The following IGDCC4 variants were observed in gnomAD, a reference collection of about 807,000 sequenced individuals.
IGDCC4 encodes the protein immunoglobulin superfamily DCC subclass member 4, also known as likely ortholog of mouse neighbor of Punc E11.
Under a neutral mutation model 116.6 loss-of-function variants are expected in IGDCC4, and 72 were observed. That is an observed-to-expected ratio of 0.62 (90% CI 0.51 to 0.75). IGDCC4 has a LOEUF of 0.75. Ranked by LOEUF, IGDCC4 falls within the 30% of genes least tolerant of loss-of-function variation. The pLI is 0.00. For missense variants in IGDCC4, 1,501 were observed against 1,662.4 expected (o/e 0.90, Z 1.69); for synonymous variants, 709 against 719.9 (o/e 0.98, Z 0.24).
intron 1 of IGDCC4, among the ~76,000 whole-genome samples, chr15:65,414,054 C>A (rs1012012792): frequency 6.6e-6 from 1 of 152,178 alleles, no homozygotes; most frequent in Non-Finnish European, 1.5e-5. Flanking sequence ...TAAACACATG[C>A]GCCTCAGTCT....
chr15:65,422,738 G>T, intron 1 of IGDCC4, 55 bp downstream of exon 1: 1 of 1,284,882 alleles, frequency 7.8e-7, no homozygotes, highest in Non-Finnish European at 9.9e-7. Flanking sequence ...AGACCAGGGC[G>T]CGGGCGCACC....
At chr15:65,420,080 G>A (rs544654271) in intron 1 of IGDCC4, among the ~76,000 whole-genome samples, 2 of 152,230 alleles carry the variant, frequency 1.3e-5, no homozygotes, top group South Asian at 2.1e-4. Context: ...CCGAGTAGCT[G>A]GGATTACAGG....
In IGDCC4 at chr15:65,395,891, C is replaced by T. The variant is rs747913572; in HGVS notation, c.1270G>A (p.Val424Met). 18 of 1,589,458 alleles carry T rather than the reference C, an allele frequency of 1.1e-5. 2 individuals carry two copies. In the South Asian group the frequency reaches 2.0e-4, roughly 18 times the overall value. Residue 424 changes from valine to methionine, a missense_variant, in exon 7 of 20, where the codon GTG (valine) becomes ATG (methionine). Coordinates refer to ENST00000352385, the MANE Select transcript of IGDCC4 (RefSeq NM_020962.3). Reference sequence around the variant, plus strand: ...GGGGCGCTGGGCAGCCCCTCGCGCACCACCACGGCCAGCGACGCGGCAGCG... The same window carrying T: ...GGGGCGCTGGGCAGCCCCTCGCGCATCACCACGGCCAGCGACGCGGCAGCG... Reference protein sequence around the residue: ...ACAAASLAVVVREGLPSAPTR... With the variant: ...ACAAASLAVVMREGLPSAPTR...
intron 1 of IGDCC4, among the ~76,000 whole-genome samples, chr15:65,417,679 T>A (rs1477580813): frequency 6.6e-6 from 1 of 152,188 alleles, no homozygotes; most frequent in African/African-American, 2.4e-5. Flanking sequence ...CACTGCAACC[T>A]CTGCCACCCA....
In IGDCC4 at chr15:65,417,433, A is replaced by G. The variant is rs533305801; in HGVS notation, c.70+5360T>C. 2.0e-5 allele frequency among the ~76,000 whole-genome samples: 3 copies of G among 152,158 alleles called. No individual in the cohort carries two copies. The South Asian group carries it at 6.2e-4, about 32-fold the overall frequency. ...CCTGAGACCCTCTACCCCTCCACAC[A>G]CAGCAAACCATGGCCAATTCTCTGA... On this transcript the variant is annotated intron_variant, in intron 1 of 19. Coordinates refer to ENST00000352385, the MANE Select transcript of IGDCC4 (RefSeq NM_020962.3).
At chr15:65,399,110 G>C (rs1394164557) in intron 5 of IGDCC4, among the ~76,000 whole-genome samples, 1 of 152,100 alleles carries the variant, frequency 6.6e-6, no homozygotes, top group Non-Finnish European at 1.5e-5. Flanking sequence ...AAGATGTAGA[G>C]GACTGAGGCA....
Position 65,408,934 on chromosome 15 carries a change from C to G in IGDCC4, c.563+1244G>C, listed in dbSNP as rs562945088. ...TTCCAGCTCACTGTAGCCTGAACCT[C>G]CAAGTGATCTCGCTCAGCCTTCCAA... On this transcript the variant is annotated intron_variant, in intron 3 of 19. Transcript: ENST00000352385. Among the ~76,000 whole-genome samples the G allele has an allele frequency of 2.0e-4, 30 of 151,204 alleles. No homozygotes were observed. The East Asian group carries it at 3.7e-3, about 19-fold the overall frequency.
intron 2 of IGDCC4, chr15:65,410,811 G>T: frequency 3.4e-6 from 2 of 584,190 alleles, no homozygotes; most frequent in South Asian, 4.3e-5. Context: ...AGGAACAGGG[G>T]AGTGGAGAAG....
Position 65,395,984 on chromosome 15 carries a change from T to A in IGDCC4, c.1177A>T (p.Thr393Ser), listed in dbSNP as rs1296358031. ...VQGGGGSLVITQIGLQDAGYY... is the reference protein window; with the variant it reads ...VQGGGGSLVISQIGLQDAGYY... ...CCGGCGTCCTGCAGGCCGATCTGTG[T>A]GATGACCAGGCTGCCACCGCCGCCC... The change falls in exon 7 of 20, where the codon ACA becomes TCA. Residue 393 changes from threonine (T) to serine (S), a missense_variant. Thr to Ser is a moderately conservative substitution (Grantham distance 58). This residue lies in a region of IGDCC4 where 898 missense variants were observed against 978.9 expected (regional missense o/e 0.92). Transcript: ENST00000352385. 6.4e-7 allele frequency: 1 copy of A among 1,563,512 alleles called. No homozygotes were observed. The highest frequency in any genetic ancestry group is 1.4e-5 in the African/African-American group (1 of 71,986).
chr15:65,401,022 T>A (rs1375820614), intron 4 of IGDCC4, 76 bp from the exon 5 acceptor site: 10 of 1,574,082 alleles, frequency 6.4e-6, no homozygotes, highest in Admixed American at 1.7e-5. Context: ...AGTCTCACAG[T>A]AACCTGGTGA....
rs771448282 is a variant in IGDCC4 at position 65,393,361 on chromosome 15, C to G, written c.1885G>C (p.Val629Leu). Residue 629 changes from valine to leucine, a missense_variant and splice_region_variant, in exon 10 of 20, where the codon GTC becomes CTC. Val to Leu is a conservative substitution (Grantham distance 32). Transcript: ENST00000352385. The surrounding 1 kb of genome is among the most constrained non-coding windows in gnomAD (Gnocchi z 4.6). ...RTPSMHNQSH[V>L]PFAPAELKVQ... ...TCCTGTCTCTCCTCTAACCCCGTACCATGGCTCTGGTTGTGCATACTGGGC... is the reference window on the plus strand; with the variant it reads ...TCCTGTCTCTCCTCTAACCCCGTACGATGGCTCTGGTTGTGCATACTGGGC... 6.2e-7 allele frequency: 1 copy of G among 1,609,410 alleles called. No homozygotes were observed. The highest frequency in any genetic ancestry group is 1.7e-4 in the Middle Eastern group (1 of 6,024).
chr15:65,422,447 C>T (rs1017131508), intron 1 of IGDCC4, among the ~76,000 whole-genome samples: 27 of 151,512 alleles, frequency 1.8e-4, no homozygotes, highest in African/African-American at 6.3e-4. Flanking sequence ...GCCACCGACA[C>T]CGCAGCTACC....
At chr15:65,395,641 T>C in intron 7 of IGDCC4, 109 bp downstream of exon 7, 1 of 1,229,496 alleles carries the variant, frequency 8.1e-7, no homozygotes. Context: ...CAGTCCATCC[T>C]TGCCGCAGAG....
At chr15:65,404,121 CAGG>C (rs533984052) in intron 3 of IGDCC4, among the ~76,000 whole-genome samples, 1 of 152,124 alleles carries the variant, frequency 6.6e-6, no homozygotes, top group African/African-American at 2.4e-5. Flanking sequence ...AAACATGGAA[CAGG>C]AGAAGTAGTT....
chr15:65,381,493 A>G lies in IGDCC4; in HGVS notation c.*2516T>C, dbSNP rs1339644205. 1 of 152,256 alleles carries G rather than the reference A, an allele frequency of 6.6e-6. No individual in the cohort carries two copies. The highest frequency in any genetic ancestry group is 1.5e-5 in the Non-Finnish European group (1 of 68,050). The allele number at this position is 152,256 out of a possible 1,614,324, so 9.4% of individuals were successfully genotyped here. On this transcript the variant is annotated 3_prime_UTR_variant, in exon 20 of 20. Transcript: ENST00000352385. The stretch of plus-strand genomic sequence containing the variant: ...AAAAGAGAATTCCACATTTCTGGAA[A>G]ATAGTTTATTAATTCATTATAAGGA...
intron 1 of IGDCC4, among the ~76,000 whole-genome samples, chr15:65,420,028 C>T (rs1178739938): frequency 1.3e-5 from 2 of 150,912 alleles, no homozygotes; most frequent in African/African-American, 4.9e-5. Context: ...CTCACTGCAA[C>T]CTTCACCTCC....
At chr15:65,413,023 A>AGTGTGTGTGT (rs1567093911) in intron 1 of IGDCC4, among the ~76,000 whole-genome samples, 2 of 105,404 alleles carry the variant, frequency 1.9e-5, no homozygotes, top group African/African-American at 1.0e-4. Flanking sequence ...AGTGTGAGAA[A>AGTGTGTGTGT]ATGTGTGTGT....
In IGDCC4 at chr15:65,399,216, A is replaced by G. The variant is rs2062959416; in HGVS notation, c.841+1590T>C. Among the ~76,000 whole-genome samples the G allele has an allele frequency of 3.3e-5, 5 of 152,244 alleles. No homozygotes were observed. In the South Asian group the frequency reaches 1.0e-3, roughly 32 times the overall value. On this transcript the variant is annotated intron_variant, in intron 5 of 19. Transcript: ENST00000352385. Reference sequence around the variant, plus strand: ...CCGGGCGCAGTGACTCATGGCTGTAATCCCAGCACCTTGGGAGGCCAAAAT... The same window carrying G: ...CCGGGCGCAGTGACTCATGGCTGTAGTCCCAGCACCTTGGGAGGCCAAAAT...
intron 3 of IGDCC4, among the ~76,000 whole-genome samples, chr15:65,402,716 A>G (rs1473680457): frequency 6.6e-6 from 1 of 152,000 alleles, no homozygotes; most frequent in Non-Finnish European, 1.5e-5. Flanking sequence ...AAAAATACAA[A>G]ATTAGCCGGG....
Sources: allele counts gnomAD v4.1 joint callset (sites outside exome capture counted in the v4.1 genomes callset), GRCh38; gene constraint gnomAD v4.1.1; regional missense constraint gnomAD v4.1.1; non-coding constraint Gnocchi (gnomAD v3.1); transcripts MANE v1.5; gene names NCBI Gene and HGNC (gene_info 2026-07-23, HGNC 2026-07-21).